The following CDK14 variants were observed in gnomAD, a reference collection of about 807,000 sequenced individuals.
CDK14 encodes cyclin dependent kinase 14, also known as cyclin-dependent kinase 14.
In CDK14, 34 loss-of-function variants were observed where a neutral mutation model predicts 60.7. The ratio of observed to expected loss-of-function variants is 0.56; its 90% CI spans 0.43 to 0.75. The LOEUF is 0.75. CDK14 is among the 30% of genes least tolerant of loss of function. The probability of loss-of-function intolerance (pLI) is 0.00; values close to 1 mark genes in which losing one functional copy is unlikely to be tolerated. For missense variants in CDK14, 482 were observed against 564.1 expected, an observed-to-expected ratio of 0.85 and a Z score of 1.47; for synonymous variants, 197 against 203.7, an observed-to-expected ratio of 0.97 and a Z score of 0.28.
At chr7:90,841,698 C>T (rs1584034666) in intron 5 of CDK14, among the ~76,000 whole-genome samples, 1 of 52,776 alleles carries the variant, frequency 1.9e-5, no homozygotes, top group South Asian at 6.8e-4. Flanking sequence ...ACACAGGTGT[C>T]AGCTTTCCCA....
At chr7:90,660,310 A>G (rs1308371445) in intron 2 of CDK14, among the ~76,000 whole-genome samples, 2 of 152,196 alleles carry the variant, frequency 1.3e-5, no homozygotes, top group African/African-American at 2.4e-5. Flanking sequence ...TACTAACTCA[A>G]GTATCTATTT....
At chr7:90,929,176 G>C (rs758110647) in intron 8 of CDK14, among the ~76,000 whole-genome samples, 1 of 152,164 alleles carries the variant, frequency 6.6e-6, no homozygotes, top group Non-Finnish European at 1.5e-5. Flanking sequence ...TGCACTTCCT[G>C]GGTGAGGCGA....
intron 12 of CDK14, among the ~76,000 whole-genome samples, chr7:91,091,807 TTCTC>T (rs869298178): frequency 6.6e-6 from 1 of 151,484 alleles, no homozygotes; most frequent in Non-Finnish European, 1.5e-5. Flanking sequence ...GAGTTTTTTT[TTCTC>T]TCTTTCATTT....
intron 2 of CDK14, among the ~76,000 whole-genome samples, chr7:90,665,849 A>T (rs1800967567): frequency 6.6e-6 from 1 of 152,212 alleles, no homozygotes; most frequent in Non-Finnish European, 1.5e-5. Flanking sequence ...AAGTTGCTTC[A>T]TTTAGCAAAT....
chr7:91,087,174 A>G (rs1451441307), intron 12 of CDK14, among the ~76,000 whole-genome samples: 1 of 152,166 alleles, frequency 6.6e-6, no homozygotes, highest in East Asian at 1.9e-4. Flanking sequence ...TCATGAAACA[A>G]TATATCCCTC....
chr7:90,788,235 C>T (rs1266795331), intron 4 of CDK14, among the ~76,000 whole-genome samples: 1 of 152,120 alleles, frequency 6.6e-6, no homozygotes, highest in African/African-American at 2.4e-5. Context: ...CAGTTACTGC[C>T]TCCTCAGGGA....
rs1049854785 is a variant in CDK14 at position 90,616,643 on chromosome 7, A to G, written c.123+12394A>G. Among the ~76,000 whole-genome samples, 25 of 152,204 alleles carry G rather than the reference A, an allele frequency of 1.6e-4. 1 individual carries two copies. Among genetic ancestry groups the G allele is most frequent in the African/African-American group, 4.3e-4 (18 of 41,446 alleles). On this transcript the variant is annotated intron_variant, in intron 2 of 14. Transcript: ENST00000380050. The stretch of plus-strand genomic sequence containing the variant: ...TTACTTTATCTAAATGATGTGTTAC[A>G]TGTGCAACAAAAAAGGTGTTTTAGT...
At chr7:91,034,652 C>G (rs1796860990) in intron 10 of CDK14, among the ~76,000 whole-genome samples, 1 of 152,136 alleles carries the variant, frequency 6.6e-6, no homozygotes, top group South Asian at 2.1e-4. Context: ...TTTTCATTTT[C>G]TCAGTCCAGT....
chr7:91,196,387 G>A (rs1331850094), intron 14 of CDK14, among the ~76,000 whole-genome samples: 1 of 152,224 alleles, frequency 6.6e-6, no homozygotes, highest in African/African-American at 2.4e-5. Flanking sequence ...ATTTTTAATA[G>A]TCCATGTAGT....
chr7:90,770,733 C>T (rs1804751274), intron 4 of CDK14, among the ~76,000 whole-genome samples: 1 of 152,130 alleles, frequency 6.6e-6, no homozygotes, highest in African/African-American at 2.4e-5. Flanking sequence ...CATGATAGAC[C>T]CCTTCACGCT....
chr7:90,870,928 G>A (rs1240886716), intron 6 of CDK14, among the ~76,000 whole-genome samples: 1 of 152,148 alleles, frequency 6.6e-6, no homozygotes, highest in Non-Finnish European at 1.5e-5. Context: ...AGATATTTAT[G>A]AGATATTTAA....
In CDK14 at chr7:90,904,856, G is replaced by A. The variant is rs529102685; in HGVS notation, c.702+5503G>A. Among the ~76,000 whole-genome samples the A allele has an allele frequency of 2.0e-3, 299 of 152,224 alleles. 3 individuals carry two copies. The highest frequency in any genetic ancestry group is 6.8e-3 in the Middle Eastern group (2 of 294). ...CCACGGGATCAAGAATTACAATGGCGTCAGATTTTCAACAGTAACACTGAA... is the reference window on the plus strand; with the variant it reads ...CCACGGGATCAAGAATTACAATGGCATCAGATTTTCAACAGTAACACTGAA... On this transcript the variant is annotated intron_variant, in intron 7 of 14. Coordinates refer to ENST00000380050, the MANE Select transcript of CDK14 (RefSeq NM_001287135.2).
Position 90,636,141 on chromosome 7 carries a change from A to G in CDK14, c.123+31892A>G, listed in dbSNP as rs569481343. On this transcript the variant is annotated intron_variant, in intron 2 of 14. Transcript: ENST00000380050. ...TACACTTTATTTCCTTCTCCTGCCT[A>G]ATTGCCCTGGCCAGAACTTCCAACA... 4.1e-3 allele frequency among the ~76,000 whole-genome samples: 619 copies of G among 150,430 alleles called. 4 individuals carry two copies. The highest frequency in any genetic ancestry group is 0.015 in the African/African-American group (594 of 40,460).
intron 5 of CDK14, among the ~76,000 whole-genome samples, chr7:90,819,495 T>G (rs1345550148): frequency 6.6e-6 from 1 of 152,088 alleles, no homozygotes; most frequent in Non-Finnish European, 1.5e-5. Context: ...GTTTTTTTTT[T>G]TTTAAATTTC....
At chr7:90,957,224 C>T (rs1384104559) in intron 9 of CDK14, among the ~76,000 whole-genome samples, 3 of 151,900 alleles carry the variant, frequency 2.0e-5, no homozygotes, top group Admixed American at 6.6e-5. Context: ...AGTTTACAGT[C>T]CCACCAACAG....
At chr7:90,861,947 A>G (rs1401779283) in intron 5 of CDK14, among the ~76,000 whole-genome samples, 3 of 152,240 alleles carry the variant, frequency 2.0e-5, no homozygotes, top group East Asian at 1.9e-4. Context: ...TGTGCATAAC[A>G]CTGAAATATG....
chr7:91,056,628 A>G (rs1041045106), intron 11 of CDK14, among the ~76,000 whole-genome samples: 4 of 144,120 alleles, frequency 2.8e-5, no homozygotes, highest in Non-Finnish European at 4.5e-5. Flanking sequence ...CTCATTGTTC[A>G]ATTCCCACCT....
chr7:90,856,589 T>TA (rs1206497753), intron 5 of CDK14, among the ~76,000 whole-genome samples: 12 of 152,216 alleles, frequency 7.9e-5, no homozygotes, highest in Non-Finnish European at 1.3e-4. Flanking sequence ...CTTTCTCTGC[T>TA]AGACTGTCTC....
chr7:91,053,358 T>C (rs1797446644), intron 11 of CDK14, among the ~76,000 whole-genome samples: 1 of 152,088 alleles, frequency 6.6e-6, no homozygotes. Flanking sequence ...CAAACCCAGG[T>C]CTTTCAACTC....
Sources: allele counts gnomAD v4.1 joint callset (sites outside exome capture counted in the v4.1 genomes callset), GRCh38; gene constraint gnomAD v4.1.1; transcripts MANE v1.5; gene names NCBI Gene and HGNC (gene_info 2026-07-23, HGNC 2026-07-21).